Variants in CCDC178 observed in about 807,000 individuals in gnomAD.
The protein encoded by CCDC178 is coiled-coil domain-containing protein 178.
CCDC178 carries 126 observed loss-of-function variants against 117.4 expected under a neutral mutation model. The ratio of observed to expected loss-of-function variants is 1.07; its 90% CI spans 0.93 to 1.24. The LOEUF is 1.24. CCDC178 is among the 50% of genes most tolerant of loss of function. The probability of loss-of-function intolerance (pLI) is 0.00; values close to 1 mark genes in which losing one functional copy is unlikely to be tolerated. For synonymous variants in CCDC178, 283 were observed against 313.4 expected (o/e 0.90, Z 1.02); for missense variants, 1,030 against 986.9 (o/e 1.04, Z -0.59).
intron 12 of CCDC178, among the ~76,000 whole-genome samples, chr18:33,271,769 G>T (rs1000281689): frequency 2.0e-5 from 3 of 151,324 alleles, no homozygotes; most frequent in African/African-American, 7.3e-5. Context: ...ATAACAGAAG[G>T]AAATTCAAAA....
At chr18:33,149,592 G>A (rs1490730492) in intron 20 of CCDC178, among the ~76,000 whole-genome samples, 1 of 152,086 alleles carries the variant, frequency 6.6e-6, no homozygotes, top group East Asian at 1.9e-4. Context: ...AGTGAAAATA[G>A]AGAGCCACAC....
At chr18:33,179,078 A>AAAAAATATATAT (rs71159804) in intron 20 of CCDC178, among the ~76,000 whole-genome samples, 1 of 55,820 alleles carries the variant, frequency 1.8e-5, no homozygotes, top group African/African-American at 1.1e-4. Context: ...AAAAAAAAAA[A>AAAAAATATATAT]ATATATATAT....
intron 20 of CCDC178, among the ~76,000 whole-genome samples, chr18:33,179,542 A>C (rs1459494133): frequency 6.6e-6 from 1 of 152,030 alleles, no homozygotes; most frequent in African/African-American, 2.4e-5. Context: ...TTTTAAAAAG[A>C]AATAGCAAAC....
intron 9 of CCDC178, among the ~76,000 whole-genome samples, chr18:33,343,767 A>C (rs1439307062): frequency 6.6e-6 from 1 of 152,206 alleles, no homozygotes; most frequent in Admixed American, 6.5e-5. Flanking sequence ...ATTTTTGAAA[A>C]GTATCTAAAT....
intron 20 of CCDC178, among the ~76,000 whole-genome samples, chr18:33,144,282 C>G (rs1483987460): frequency 6.6e-6 from 1 of 152,026 alleles, no homozygotes; most frequent in East Asian, 1.9e-4. Context: ...GGTTTTTTCA[C>G]TAGATGTCAT....
intron 20 of CCDC178, among the ~76,000 whole-genome samples, chr18:33,190,029 G>A (rs1042025495): frequency 6.9e-6 from 1 of 145,236 alleles, no homozygotes; most frequent in Non-Finnish European, 1.5e-5. Flanking sequence ...GCTAAAAGAA[G>A]CCCTAGACTA....
At chr18:33,184,788 G>GA (rs1421389528) in intron 20 of CCDC178, among the ~76,000 whole-genome samples, 2 of 151,946 alleles carry the variant, frequency 1.3e-5, no homozygotes, top group East Asian at 3.9e-4. Context: ...AAAATGATGG[G>GA]AAAATGTGTG....
At chr18:33,073,969 C>A (rs1206190062) in intron 21 of CCDC178, among the ~76,000 whole-genome samples, 1 of 151,876 alleles carries the variant, frequency 6.6e-6, no homozygotes, top group East Asian at 1.9e-4. Flanking sequence ...ATATATACAG[C>A]TCGAAGCATC....
chr18:33,401,994 C>T (rs919330482), intron 3 of CCDC178, among the ~76,000 whole-genome samples: 7 of 151,962 alleles, frequency 4.6e-5, no homozygotes, highest in African/African-American at 1.7e-4. Flanking sequence ...CAAATAAAAT[C>T]TGGTATTAAT....
chr18:33,336,001 C>A (rs2062735089), intron 9 of CCDC178, among the ~76,000 whole-genome samples: 1 of 152,082 alleles, frequency 6.6e-6, no homozygotes, highest in Non-Finnish European at 1.5e-5. Context: ...CTGTCAGTTG[C>A]CTGACTTTAC....
intron 4 of CCDC178, among the ~76,000 whole-genome samples, chr18:33,393,905 G>A (rs1040302878): frequency 5.9e-5 from 9 of 151,928 alleles, no homozygotes; most frequent in African/African-American, 1.9e-4. Context: ...AAAGAGACAC[G>A]TATACATACA....
chr18:33,227,055 A>G (rs1455186720), intron 15 of CCDC178, among the ~76,000 whole-genome samples, 200 bp from the exon 16 acceptor site: 1 of 152,104 alleles, frequency 6.6e-6, no homozygotes, highest in Non-Finnish European at 1.5e-5. Context: ...CAGGAATTAG[A>G]CTACAAAATT....
chr18:33,062,097 A>G (rs2056932239), intron 21 of CCDC178, among the ~76,000 whole-genome samples: 2 of 152,218 alleles, frequency 1.3e-5, no homozygotes, highest in African/African-American at 4.8e-5. Context: ...ATTCAGAGGT[A>G]AAGAAATATT....
chr18:33,118,221 C>A (rs2057886772), intron 20 of CCDC178, among the ~76,000 whole-genome samples: 1 of 151,954 alleles, frequency 6.6e-6, no homozygotes, highest in East Asian at 1.9e-4. Context: ...GTTATGATAA[C>A]AACTAGGTGG....
intron 22 of CCDC178, among the ~76,000 whole-genome samples, chr18:32,950,804 G>T (rs961424748): frequency 1.3e-5 from 2 of 152,054 alleles, no homozygotes; most frequent in African/African-American, 4.8e-5. Flanking sequence ...CATATTAAAA[G>T]GTAAAAAATT....
intron 21 of CCDC178, among the ~76,000 whole-genome samples, chr18:33,077,364 C>T (rs1405449017): frequency 6.6e-6 from 1 of 152,072 alleles, no homozygotes; most frequent in African/African-American, 2.4e-5. Flanking sequence ...GAAGTCCTAA[C>T]CCAAGTAGCC....
chr18:33,013,852 C>T (rs1345860934), intron 21 of CCDC178, among the ~76,000 whole-genome samples: 1 of 152,172 alleles, frequency 6.6e-6, no homozygotes, highest in African/African-American at 2.4e-5. Flanking sequence ...TCAAGGTACA[C>T]TGTGTAAAAG....
intron 9 of CCDC178, among the ~76,000 whole-genome samples, chr18:33,344,848 C>T (rs1568163943): frequency 1.5e-5 from 2 of 133,126 alleles, no homozygotes; most frequent in South Asian, 2.5e-4. Context: ...CACACACACA[C>T]ACACACATAT....
intron 21 of CCDC178, among the ~76,000 whole-genome samples, chr18:33,080,561 A>C (rs1320551302): frequency 6.6e-6 from 1 of 152,176 alleles, no homozygotes; most frequent in East Asian, 1.9e-4. Context: ...GAAAGAATCA[A>C]TCCTGTTGAC....
Sources: gnomAD v4.1 joint callset for allele counts (sites outside exome capture counted in the v4.1 genomes callset) on GRCh38, gnomAD v4.1.1 for gene constraint, MANE v1.5 for transcripts, NCBI Gene and HGNC (gene_info 2026-07-23, HGNC 2026-07-21) for gene names.